The following POLR3B variants were observed in gnomAD, a reference collection of about 807,000 sequenced individuals.
POLR3B encodes RNA polymerase III subunit B.
In POLR3B, 96 loss-of-function variants were observed where a neutral mutation model predicts 147.4. The ratio of observed to expected loss-of-function variants is 0.65; its 90% CI spans 0.55 to 0.77. The LOEUF is 0.77. POLR3B is among the 30% of genes least tolerant of loss of function. The pLI is 0.00. For synonymous variants in POLR3B, 461 were observed against 485.9 expected (o/e 0.95, Z 0.67); for missense variants, 1,036 against 1,413.5 (o/e 0.73, Z 4.28).
In POLR3B at chr12:106,377,025, C is replaced by T. The variant is rs200973735; in HGVS notation, c.496+575C>T. Among the ~76,000 whole-genome samples, 13 of 152,002 alleles carry T rather than the reference C, an allele frequency of 8.6e-5. No individual in the cohort carries two copies. In the South Asian group the frequency reaches 1.2e-3, roughly 15 times the overall value. On this transcript the variant is annotated intron_variant, in intron 7 of 27. Transcript: ENST00000228347. ...AGTCTTTTCTTTCTATCTTTGCCCA[C>T]GAGTTTCTTTTGGTATGCCTAAAAA... is the stretch of plus-strand genomic sequence containing the variant.
chr12:106,440,335 A>G (rs959918222), intron 18 of POLR3B, among the ~76,000 whole-genome samples: 2 of 152,132 alleles, frequency 1.3e-5, no homozygotes, highest in Non-Finnish European at 2.9e-5. Context: ...CCTCCTGACT[A>G]TTTTGACACC....
intron 23 of POLR3B, among the ~76,000 whole-genome samples, chr12:106,493,214 A>T (rs1026639291): frequency 6.6e-6 from 1 of 152,248 alleles, no homozygotes; most frequent in Non-Finnish European, 1.5e-5. Context: ...AGCGCACCGC[A>T]TATCATTTAC....
chr12:106,475,624 CCTT>C lies in POLR3B; in HGVS notation c.2713+12008_2713+12010del, dbSNP rs1245664867. Reference sequence around the variant, plus strand: ...TGATCCCTTTACCATTATGTAATGGCCTTCTTTGTCTCTTTTGATCTTTGTTGG... The same window carrying C: ...TGATCCCTTTACCATTATGTAATGGCCTTTGTCTCTTTTGATCTTTGTTGG... On this transcript the variant is annotated intron_variant, in intron 23 of 27. Transcript: ENST00000228347. Among the ~76,000 whole-genome samples the C allele has an allele frequency of 2.2e-5, 3 of 137,058 alleles. No homozygotes were observed. In the East Asian group the frequency reaches 6.1e-4, roughly 28 times the overall value. 89.9% of individuals were successfully genotyped at this position (137,058 alleles called of 152,430 possible).
chr12:106,501,506 C>A, intron 26 of POLR3B, 70 bp downstream of exon 26: 1 of 953,212 alleles, frequency 1.0e-6, no homozygotes, highest in Non-Finnish European at 1.7e-6. Flanking sequence ...CCAGATATGG[C>A]AAAAAGCAGA....
chr12:106,390,368 G>A (rs968129643), intron 9 of POLR3B, among the ~76,000 whole-genome samples: 4 of 151,470 alleles, frequency 2.6e-5, no homozygotes, highest in African/African-American at 9.7e-5. Flanking sequence ...AAGGAATTCT[G>A]TTCTAATATT....
chr12:106,404,334 C>T (rs2037120663), intron 10 of POLR3B, among the ~76,000 whole-genome samples: 1 of 152,162 alleles, frequency 6.6e-6, no homozygotes, highest in Non-Finnish European at 1.5e-5. Flanking sequence ...TTCAGGTGAT[C>T]TGCCCGCCTC....
In POLR3B at chr12:106,509,613, G is replaced by C; in HGVS notation, c.*64G>C. ...ATCCAATGCAACGGAAAGCAGAAGG[G>C]ATTTAGGACTACGTCTCCTCCTGTG... On this transcript the variant is annotated 3_prime_UTR_variant, in exon 28 of 28. Transcript: ENST00000228347. The C allele has an allele frequency of 7.0e-7, 1 of 1,436,572 alleles. No homozygotes were observed. Among genetic ancestry groups the C allele is most frequent in the South Asian group, 1.2e-5 (1 of 86,802 alleles). 89.0% of individuals were successfully genotyped at this position (1,436,572 alleles called of 1,614,324 possible).
chr12:106,496,474 C>T, intron 24 of POLR3B: 1 of 597,090 alleles, frequency 1.7e-6, no homozygotes, highest in Non-Finnish European at 3.0e-6. Flanking sequence ...TTTTAGTGAT[C>T]CTGGCTCCAC....
intron 23 of POLR3B, among the ~76,000 whole-genome samples, chr12:106,466,654 T>G (rs1438220431): frequency 6.6e-6 from 1 of 152,208 alleles, no homozygotes. Context: ...GGGTCCAGTT[T>G]CAGTTTTGTG....
At chr12:106,493,283 A>G (rs1803782780) in intron 23 of POLR3B, among the ~76,000 whole-genome samples, 1 of 152,196 alleles carries the variant, frequency 6.6e-6, no homozygotes, top group African/African-American at 2.4e-5. Context: ...AAATATTGGA[A>G]TGGACTTTAT....
intron 23 of POLR3B, among the ~76,000 whole-genome samples, chr12:106,477,120 C>T (rs532605850): frequency 7.0e-6 from 1 of 141,998 alleles, no homozygotes; most frequent in African/African-American, 2.8e-5. Flanking sequence ...TGTTGGAATA[C>T]CCTGCCTTGT....
intron 5 of POLR3B, 66 bp downstream of exon 5, chr12:106,369,416 C>T: frequency 2.0e-6 from 2 of 1,016,008 alleles, no homozygotes; most frequent in Non-Finnish European, 3.2e-6. Flanking sequence ...TTAATATATA[C>T]TCTTAAAAGA....
chr12:106,508,959 G>C (rs1034492299), intron 27 of POLR3B, among the ~76,000 whole-genome samples: 1 of 152,188 alleles, frequency 6.6e-6, no homozygotes, highest in African/African-American at 2.4e-5. Context: ...TAATTGTTGA[G>C]CGCCTTGCCT....
rs193158675 is a variant in POLR3B at position 106,445,407 on chromosome 12, T to C, written c.2083+817T>C. ...TTCTGAAGGGTAGAGCTGAGCTGAGTCTTGGAAGACTGAGTATTTTTGAAG... is the reference window on the plus strand; with the variant it reads ...TTCTGAAGGGTAGAGCTGAGCTGAGCCTTGGAAGACTGAGTATTTTTGAAG... On this transcript the variant is annotated intron_variant, in intron 19 of 27. Coordinates refer to ENST00000228347, the MANE Select transcript of POLR3B (RefSeq NM_018082.6). 3.5e-3 allele frequency among the ~76,000 whole-genome samples: 536 copies of C among 152,078 alleles called. 3 individuals are homozygous for C. The highest frequency in any genetic ancestry group is 0.012 in the African/African-American group (502 of 41,450).
chr12:106,359,079 G>A (rs2036429739), intron 1 of POLR3B, among the ~76,000 whole-genome samples: 1 of 152,116 alleles, frequency 6.6e-6, no homozygotes, highest in African/African-American at 2.4e-5. Flanking sequence ...TTAGCTGGGT[G>A]TGGTGGCGTG....
chr12:106,460,972 C>T (rs774401082), intron 22 of POLR3B, among the ~76,000 whole-genome samples: 1 of 152,164 alleles, frequency 6.6e-6, no homozygotes, highest in Non-Finnish European at 1.5e-5. Context: ...TCCATTTCTA[C>T]TTTGTTACCT....
At chr12:106,389,898 C>A (rs1259436839) in intron 9 of POLR3B, among the ~76,000 whole-genome samples, 2 of 152,152 alleles carry the variant, frequency 1.3e-5, no homozygotes, top group East Asian at 3.9e-4. Flanking sequence ...CATAGTGAGA[C>A]CCTGTCTCTT....
intron 19 of POLR3B, among the ~76,000 whole-genome samples, chr12:106,448,780 T>C (rs11112997): frequency 0.21 from 31,993 of 151,894 alleles, 4,013 homozygotes; most frequent in Middle Eastern, 0.29. Flanking sequence ...TGAAATATAA[T>C]ACATACTTTT....
rs550203363 is a variant in POLR3B, at chr12:106,477,866, C to T, written c.2713+14246C>T. On this transcript the variant is annotated intron_variant, in intron 23 of 27. Coordinates refer to ENST00000228347, the MANE Select transcript of POLR3B (RefSeq NM_018082.6). ...TGGGAGCTGTAGACGGGAGCTGTTC[C>T]TATTCGGCCATCTTGGCTCCTCCCC... Among the ~76,000 whole-genome samples the T allele has an allele frequency of 1.1e-3, 158 of 138,798 alleles. 1 individual carries two copies. Among genetic ancestry groups the T allele is most frequent in the African/African-American group, 3.9e-3 (147 of 37,376 alleles). 91.1% of individuals were successfully genotyped at this position (138,798 alleles called of 152,430 possible).
Sources: gnomAD v4.1 joint callset for allele counts (sites outside exome capture counted in the v4.1 genomes callset) on GRCh38, gnomAD v4.1.1 for gene constraint, MANE v1.5 for transcripts, NCBI Gene and HGNC (gene_info 2026-07-23, HGNC 2026-07-21) for gene names.